DTNA: variants seen among roughly 807,000 people sequenced by gnomAD.
DTNA encodes dystrophin-related protein 3.
DTNA carries 43 observed loss-of-function variants against 100.7 expected under a neutral mutation model. The observed-to-expected ratio is 0.43, with a 90% CI of 0.33 to 0.55. DTNA has a LOEUF of 0.55. Ranked by LOEUF, DTNA falls within the 20% of genes least tolerant of loss-of-function variation. The pLI, the probability that DTNA is intolerant of heterozygous loss-of-function variation, is 0.04. For missense variants in DTNA, 798 were observed against 953.9 expected (o/e 0.84, Z 2.15); for synonymous variants, 349 against 347.9 (o/e 1.00, Z -0.04).
intron 2 of DTNA, among the ~76,000 whole-genome samples, chr18:34,757,788 T>C (rs1255716594): frequency 6.6e-6 from 1 of 152,218 alleles, no homozygotes; most frequent in Non-Finnish European, 1.5e-5. Context: ...TGTGTTTTCA[T>C]AGAAACATCA....
At chr18:34,496,990 T>C (rs1455523009) in intron 1 of DTNA, among the ~76,000 whole-genome samples, 1 of 152,082 alleles carries the variant, frequency 6.6e-6, no homozygotes, top group Non-Finnish European at 1.5e-5. Context: ...CATGGGGAGG[T>C]TTACAAAACT....
intron 11 of DTNA, among the ~76,000 whole-genome samples, chr18:34,833,465 T>C (rs940553764): frequency 2.3e-4 from 35 of 152,040 alleles, no homozygotes; most frequent in African/African-American, 7.2e-5. Flanking sequence ...TATTTATCTC[T>C]AGATATGCTG....
intron 1 of DTNA, among the ~76,000 whole-genome samples, chr18:34,604,577 A>C (rs1331934304): frequency 1.3e-5 from 2 of 152,180 alleles, no homozygotes; most frequent in Non-Finnish European, 2.9e-5. Context: ...TTGTTTGTCA[A>C]ATTATGAAGT....
intron 7 of DTNA, chr18:34,817,944 AC>A (rs1010270543): frequency 2.8e-6 from 4 of 1,422,662 alleles, no homozygotes; most frequent in Non-Finnish European, 2.8e-6. Context: ...TTAAAAGGAC[AC>A]CTCTTCTCCA....
chr18:34,846,387 G>A (rs2096378615), intron 13 of DTNA, among the ~76,000 whole-genome samples: 1 of 152,112 alleles, frequency 6.6e-6, no homozygotes, highest in East Asian at 1.9e-4. Flanking sequence ...TAATATTTTT[G>A]AGCACCTCAT....
chr18:34,533,233 A>G (rs143076601), intron 1 of DTNA, among the ~76,000 whole-genome samples: 4,171 of 151,832 alleles, frequency 0.027, 200 homozygotes, highest in African/African-American at 0.095. Flanking sequence ...TTAGCTGGGC[A>G]TGGTGGCAGG....
At chr18:34,729,043 A>G (rs931214072) in intron 1 of DTNA, among the ~76,000 whole-genome samples, 5 of 152,094 alleles carry the variant, frequency 3.3e-5, no homozygotes, top group African/African-American at 1.2e-4. Flanking sequence ...CCTGGAAGAG[A>G]GTCCCAGAGA....
At chr18:34,648,157 C>G (rs1164061896) in intron 1 of DTNA, among the ~76,000 whole-genome samples, 2 of 152,014 alleles carry the variant, frequency 1.3e-5, no homozygotes, top group Non-Finnish European at 2.9e-5. Context: ...GGAAAACGGC[C>G]AGAGTTATAA....
rs886692831 is a variant in DTNA at position 34,555,888 on chromosome 18, G to C, written c.-2+62374G>C. On this transcript the variant is annotated intron_variant, in intron 1 of 19. Transcript: ENST00000283365. ...GAGTTCTTAGATGTCTATTAGGTCCGCTTGGTGCAGAGCTGAGTTCAATTC... is the reference window on the plus strand; with the variant it reads ...GAGTTCTTAGATGTCTATTAGGTCCCCTTGGTGCAGAGCTGAGTTCAATTC... Among the ~76,000 whole-genome samples the C allele has an allele frequency of 1.1e-3, 166 of 152,120 alleles. 1 individual carries two copies. Among genetic ancestry groups the C allele is most frequent in the African/African-American group, 3.7e-3 (152 of 41,494 alleles).
intron 11 of DTNA, among the ~76,000 whole-genome samples, chr18:34,830,680 T>C (rs984806498): frequency 1.3e-5 from 2 of 152,208 alleles, no homozygotes; most frequent in African/African-American, 4.8e-5. Context: ...CATGTGTGTA[T>C]GTCTATGTGT....
At chr18:34,577,957 G>A (rs9948879) in intron 1 of DTNA, among the ~76,000 whole-genome samples, 15,830 of 149,438 alleles carry the variant, frequency 0.11, 1,226 homozygotes, top group African/African-American at 0.22. Flanking sequence ...TGGTATAATG[G>A]CTTTTTTTCC....
intron 1 of DTNA, among the ~76,000 whole-genome samples, chr18:34,725,023 T>C (rs2086275864): frequency 6.6e-6 from 1 of 152,168 alleles, no homozygotes; most frequent in Non-Finnish European, 1.5e-5. Context: ...TAAATGGTGC[T>C]GGAAAAACTG....
At chr18:34,608,022 T>G (rs1261523693) in intron 1 of DTNA, among the ~76,000 whole-genome samples, 3 of 152,322 alleles carry the variant, frequency 2.0e-5, no homozygotes, top group Middle Eastern at 3.4e-3. Context: ...GATTTGAATC[T>G]TAAATTGCTA....
chr18:34,667,661 T>C (rs971563649), intron 1 of DTNA, among the ~76,000 whole-genome samples: 1 of 152,208 alleles, frequency 6.6e-6, no homozygotes. Flanking sequence ...CAAAGGCCTT[T>C]TCTGCATCTA....
At chr18:34,754,522 T>C (rs995572075) in intron 1 of DTNA, among the ~76,000 whole-genome samples, 11 of 152,138 alleles carry the variant, frequency 7.2e-5, no homozygotes, top group African/African-American at 2.2e-4. Context: ...TGTGATGCGC[T>C]CATAGGACAG....
intron 1 of DTNA, among the ~76,000 whole-genome samples, chr18:34,551,659 G>C (rs1161808016): frequency 1.3e-5 from 2 of 152,074 alleles, no homozygotes; most frequent in Admixed American, 1.3e-4. Flanking sequence ...ACTTGTGTTT[G>C]CTTTATGTAT....
intron 3 of DTNA, among the ~76,000 whole-genome samples, chr18:34,778,869 G>GT (rs1480673765): frequency 8.5e-5 from 13 of 152,240 alleles, no homozygotes; most frequent in African/African-American, 3.1e-4. Context: ...CCAGGCAGGA[G>GT]TGCAGTGGCG....
intron 11 of DTNA, among the ~76,000 whole-genome samples, 158 bp downstream of exon 11, chr18:34,829,647 G>C (rs547607844): frequency 6.6e-6 from 1 of 152,164 alleles, no homozygotes; most frequent in African/African-American, 2.4e-5. Flanking sequence ...TTTTCAACTT[G>C]AGCTGGACTT....
chr18:34,576,346 G>T (rs2048112170), intron 1 of DTNA, among the ~76,000 whole-genome samples: 1 of 152,204 alleles, frequency 6.6e-6, no homozygotes, highest in African/African-American at 2.4e-5. Flanking sequence ...TGACAATCAA[G>T]ACAAACTTGC....
Sources: allele counts gnomAD v4.1 joint callset (sites outside exome capture counted in the v4.1 genomes callset), GRCh38; gene constraint gnomAD v4.1.1; transcripts MANE v1.5; gene names NCBI Gene and HGNC (gene_info 2026-07-23, HGNC 2026-07-21).